The following SLC25A20 variants were observed in gnomAD, a reference collection of about 807,000 sequenced individuals.
SLC25A20 encodes the protein solute carrier family 25 member 20.
Under a neutral mutation model 39.7 loss-of-function variants are expected in SLC25A20, and 29 were observed. The ratio of observed to expected loss-of-function variants is 0.73; its 90% CI spans 0.54 to 1.00. The LOEUF (loss-of-function observed/expected upper bound fraction) is 1.00. Ranked by LOEUF, SLC25A20 falls within the 50% of genes least tolerant of loss-of-function variation. The probability of loss-of-function intolerance (pLI) is 0.00; values close to 1 mark genes in which losing one functional copy is unlikely to be tolerated. For missense variants in SLC25A20, 333 were observed against 379.9 expected (o/e 0.88, Z 1.03); for synonymous variants, 103 against 142.2 (o/e 0.72, Z 1.96).
intron 4 of SLC25A20, among the ~76,000 whole-genome samples, chr3:48,870,293 C>A (rs563336419): frequency 6.6e-6 from 1 of 151,944 alleles, no homozygotes; most frequent in Non-Finnish European, 1.5e-5. Context: ...CCCAGCTACG[C>A]GGGAGGATGA....
At chr3:48,867,236 C>G (rs896872221) in intron 4 of SLC25A20, among the ~76,000 whole-genome samples, 1 of 151,482 alleles carries the variant, frequency 6.6e-6, no homozygotes. Context: ...GCCACTGTGC[C>G]CAAAGTTTGT....
At chr3:48,886,451 A>T (rs2083829535) in intron 2 of SLC25A20, among the ~76,000 whole-genome samples, 1 of 152,034 alleles carries the variant, frequency 6.6e-6, no homozygotes, top group Non-Finnish European at 1.5e-5. Flanking sequence ...TTGAACCGGG[A>T]GGCGGAGGTT....
chr3:48,857,813 A>C, intron 8 of SLC25A20, 41 bp from the exon 9 acceptor site: 1 of 1,577,132 alleles, frequency 6.3e-7, no homozygotes, highest in South Asian at 1.1e-5. Flanking sequence ...CAGCAGGAAT[A>C]ACTATTCATA....
chr3:48,874,180 T>C (rs2083738126), intron 4 of SLC25A20, among the ~76,000 whole-genome samples: 1 of 151,836 alleles, frequency 6.6e-6, no homozygotes, highest in Non-Finnish European at 1.5e-5. Context: ...TAATCCCAGC[T>C]ACCTGGGAGG....
rs1035610382 is a variant in SLC25A20, at chr3:48,892,018, C to A, written c.160G>T (p.Gly54Trp). 11 of 1,613,932 alleles carry A rather than the reference C, an allele frequency of 6.8e-6. No homozygotes were observed. In the Admixed American group the frequency reaches 1.0e-4, roughly 15 times the overall value. Residue 54 changes from glycine to tryptophan, a missense_variant, in exon 2 of 9, where the codon GGG becomes TGG. By Grantham distance (184) the Gly-to-Trp change is radical (BLOSUM62 -2). Transcript: ENST00000319017. ...GTCTTCCGGAAACAGTCAAAGGTCC[C>A]AGAGTACATGGGAGGTTGTCCAGGC... ...SLPGQPPMYS[G>W]TFDCFRKTLF...
Position 48,857,311 on chromosome 3 carries a change from T to C in SLC25A20, c.*399A>G. The stretch of plus-strand genomic sequence containing the variant: ...GCTAGGGACTGAAGAAGATCTCAGC[T>C]CCTGGTGATCTGGTTGAAAATATGC... On this transcript the variant is annotated 3_prime_UTR_variant, in exon 9 of 9. Transcript: ENST00000319017. 1 of 267,338 alleles carries C rather than the reference T, an allele frequency of 3.7e-6. No homozygotes were observed. Among genetic ancestry groups the C allele is most frequent in the Non-Finnish European group, 7.4e-6 (1 of 135,454 alleles). 16.6% of individuals were successfully genotyped at this position (267,338 alleles called of 1,614,324 possible). A position where few individuals can be genotyped will look rare whatever the true frequency, so the allele number is the denominator to read the frequency against.
At chr3:48,877,872 G>C (rs1319987155) in intron 4 of SLC25A20, among the ~76,000 whole-genome samples, 2 of 152,120 alleles carry the variant, frequency 1.3e-5, no homozygotes, top group African/African-American at 2.4e-5. Context: ...AATAAGGGTG[G>C]GTAGGCCCAG....
At chr3:48,877,010 C>T (rs1217594516) in intron 4 of SLC25A20, among the ~76,000 whole-genome samples, 7 of 151,840 alleles carry the variant, frequency 4.6e-5, no homozygotes, top group South Asian at 2.1e-4. Context: ...GCAGGAGAAT[C>T]GCTTGAAGCC....
intron 4 of SLC25A20, among the ~76,000 whole-genome samples, chr3:48,874,258 C>T (rs1209459014): frequency 1.3e-5 from 2 of 152,142 alleles, no homozygotes; most frequent in Middle Eastern, 3.4e-3. Flanking sequence ...TGCCACTGTA[C>T]TCCAACTTGG....
intron 2 of SLC25A20, among the ~76,000 whole-genome samples, chr3:48,884,388 C>T (rs1039091516): frequency 6.6e-6 from 1 of 151,878 alleles, no homozygotes; most frequent in Non-Finnish European, 1.5e-5. Flanking sequence ...CTCACTCTGT[C>T]GCCCAGGCTG....
At chr3:48,879,306 G>T in intron 4 of SLC25A20, 52 bp downstream of exon 4, 1 of 1,353,814 alleles carries the variant, frequency 7.4e-7, no homozygotes, top group Non-Finnish European at 1.1e-6. Context: ...ACATGCACAC[G>T]AAATTATAAA....
chr3:48,877,595 GGC>G, intron 4 of SLC25A20, among the ~76,000 whole-genome samples: 1 of 151,744 alleles, frequency 6.6e-6, no homozygotes, highest in East Asian at 1.9e-4. Context: ...TGGGCGTGGT[GGC>G]GCACACCTGT....
intron 1 of SLC25A20, 68 bp from the exon 2 acceptor site, chr3:48,892,140 A>G: frequency 1.7e-6 from 2 of 1,180,402 alleles, no homozygotes; most frequent in Non-Finnish European, 2.5e-6. Flanking sequence ...CAATGGCCCA[A>G]CTGTCTGCCA....
At chr3:48,868,453 T>C (rs760892755) in intron 4 of SLC25A20, among the ~76,000 whole-genome samples, 1 of 152,128 alleles carries the variant, frequency 6.6e-6, no homozygotes, top group Non-Finnish European at 1.5e-5. Flanking sequence ...TCCCTATTCC[T>C]CCTGCTAACT....
intron 2 of SLC25A20, among the ~76,000 whole-genome samples, chr3:48,888,305 C>T (rs931498642): frequency 2.6e-5 from 4 of 151,556 alleles, no homozygotes; most frequent in African/African-American, 9.7e-5. Flanking sequence ...GATGCAGTGG[C>T]TCATGCCTGT....
At chr3:48,886,434 G>A (rs1056347988) in intron 2 of SLC25A20, among the ~76,000 whole-genome samples, 3 of 152,056 alleles carry the variant, frequency 2.0e-5, no homozygotes, top group African/African-American at 7.2e-5. Context: ...TGAGGCAGGA[G>A]GATCGCTTGA....
intron 1 of SLC25A20, among the ~76,000 whole-genome samples, chr3:48,894,518 C>T (rs962528125): frequency 6.6e-6 from 1 of 151,802 alleles, no homozygotes; most frequent in African/African-American, 2.4e-5. Flanking sequence ...GGTGATCCAC[C>T]CGCCTCGGCC....
intron 2 of SLC25A20, among the ~76,000 whole-genome samples, chr3:48,885,813 C>G (rs547544464): frequency 6.6e-6 from 1 of 152,058 alleles, no homozygotes; most frequent in East Asian, 1.9e-4. Context: ...AAAAACAAAA[C>G]TAAACTAAAA....
At chr3:48,877,705 G>C (rs1276164824) in intron 4 of SLC25A20, among the ~76,000 whole-genome samples, 1 of 151,606 alleles carries the variant, frequency 6.6e-6, no homozygotes, top group Non-Finnish European at 1.5e-5. Flanking sequence ...TTCCAGCCTG[G>C]CAACAGAGCA....
Sources: allele counts gnomAD v4.1 joint callset (sites outside exome capture counted in the v4.1 genomes callset), GRCh38; gene constraint gnomAD v4.1.1; transcripts MANE v1.5; gene names NCBI Gene and HGNC (gene_info 2026-07-23, HGNC 2026-07-21).